Variants in PDE3B observed in about 807,000 individuals in gnomAD.
The protein encoded by PDE3B is cGMP-inhibited 3',5'-cyclic phosphodiesterase 3B.
PDE3B carries 66 observed loss-of-function variants against 116.8 expected under a neutral mutation model. The observed-to-expected ratio is 0.56, with a 90% CI of 0.46 to 0.69. The LOEUF is 0.69. PDE3B is among the 30% of genes least tolerant of loss of function. The pLI, the probability that PDE3B is intolerant of heterozygous loss-of-function variation, is 0.00. For synonymous variants in PDE3B, 595 were observed against 533.6 expected (o/e 1.12, Z -1.59); for missense variants, 1,384 against 1,368.1 (o/e 1.01, Z -0.18).
chr11:14,691,394 CTTA>C (rs1490324006), intron 1 of PDE3B, among the ~76,000 whole-genome samples: 3 of 152,068 alleles, frequency 2.0e-5, no homozygotes, highest in Middle Eastern at 3.4e-3. Flanking sequence ...AATTTTTTGA[CTTA>C]TTAAGTGATT....
chr11:14,756,393 C>A (rs1307291119), intron 1 of PDE3B, among the ~76,000 whole-genome samples: 3 of 152,060 alleles, frequency 2.0e-5, no homozygotes, highest in African/African-American at 7.2e-5. Flanking sequence ...CCTAAAGAGA[C>A]AAGGGGTGGC....
intron 14 of PDE3B, among the ~76,000 whole-genome samples, chr11:14,861,805 C>A (rs889243300): frequency 1.3e-5 from 2 of 152,166 alleles, no homozygotes; most frequent in African/African-American, 4.8e-5. Flanking sequence ...GAAGGCCAGG[C>A]GGGCAACCTA....
intron 4 of PDE3B, among the ~76,000 whole-genome samples, chr11:14,801,024 A>T (rs1239734674): frequency 1.3e-5 from 2 of 151,930 alleles, no homozygotes; most frequent in Non-Finnish European, 2.9e-5. Flanking sequence ...TTTCTTCTCT[A>T]CACTGATTAT....
chr11:14,846,872 C>CT (rs1325487680), intron 12 of PDE3B, among the ~76,000 whole-genome samples: 1 of 152,152 alleles, frequency 6.6e-6, no homozygotes, highest in African/African-American at 2.4e-5. Flanking sequence ...GAGACTTAGA[C>CT]TCCCACACAA....
the PDE3B span, among the ~76,000 whole-genome samples, chr11:14,883,988 C>G: frequency 6.6e-6 from 1 of 152,072 alleles, no homozygotes; most frequent in East Asian, 2.0e-4. Flanking sequence ...GAGATACCAT[C>G]TCACACCAGT....
At chr11:14,742,562 C>T (rs568918131) in intron 1 of PDE3B, among the ~76,000 whole-genome samples, 1 of 152,034 alleles carries the variant, frequency 6.6e-6, no homozygotes, top group African/African-American at 2.4e-5. Context: ...TTTGTTATTA[C>T]CCACCTTCTG....
intron 1 of PDE3B, among the ~76,000 whole-genome samples, chr11:14,661,048 A>T (rs1853887905): frequency 6.6e-6 from 1 of 152,242 alleles, no homozygotes; most frequent in Non-Finnish European, 1.5e-5. Context: ...GTGGAGAAAT[A>T]GGAACACTTT....
intron 1 of PDE3B, among the ~76,000 whole-genome samples, chr11:14,669,181 T>G (rs148581525): frequency 2.0e-5 from 3 of 152,080 alleles, no homozygotes; most frequent in Non-Finnish European, 4.4e-5. Context: ...AGAGATTCAT[T>G]TGAAAGAAGC....
In PDE3B at chr11:14,688,721, A is replaced by T. The variant is rs530207944; in HGVS notation, c.978+43668A>T. On this transcript the variant is annotated intron_variant, in intron 1 of 15. Transcript: ENST00000282096. The stretch of plus-strand genomic sequence containing the variant: ...CACTGAGTGTGATTCCAGATAAGTT[A>T]TTACAGCTAGATCTATGTGGCTCAT... Among the ~76,000 whole-genome samples the T allele has an allele frequency of 2.6e-5, 4 of 152,146 alleles. No individual in the cohort carries two copies. In the East Asian group the frequency reaches 7.7e-4, roughly 29 times the overall value.
At chr11:14,879,158 C>T in the PDE3B span, 1 of 1,613,222 alleles carries the variant, frequency 6.2e-7, no homozygotes. Context: ...AAAATATCCA[C>T]TGCTGTCCAG....
At chr11:14,761,931 G>T (rs1453058956) in intron 1 of PDE3B, among the ~76,000 whole-genome samples, 1 of 151,956 alleles carries the variant, frequency 6.6e-6, no homozygotes, top group Non-Finnish European at 1.5e-5. Flanking sequence ...TTTCTTTTTG[G>T]TTAATTAAAG....
intron 1 of PDE3B, among the ~76,000 whole-genome samples, chr11:14,740,472 T>C (rs1856736119): frequency 6.6e-6 from 1 of 152,160 alleles, no homozygotes; most frequent in Non-Finnish European, 1.5e-5. Flanking sequence ...TTTTATTGAG[T>C]CTATTTGATT....
intron 1 of PDE3B, among the ~76,000 whole-genome samples, chr11:14,704,786 A>G (rs1855480140): frequency 6.6e-6 from 1 of 151,718 alleles, no homozygotes; most frequent in Non-Finnish European, 1.5e-5. Context: ...TTAAAACTAA[A>G]AAAAGCTGTA....
At chr11:14,674,242 T>C in intron 1 of PDE3B, 1 of 1,196,608 alleles carries the variant, frequency 8.4e-7, no homozygotes, top group South Asian at 1.2e-5. Flanking sequence ...CACTTCAACA[T>C]TTTTCTGTTG....
intron 4 of PDE3B, 122 bp from the exon 5 acceptor site, chr11:14,803,822 A>C (rs993529748): frequency 3.2e-6 from 2 of 634,334 alleles, no homozygotes; most frequent in Non-Finnish European, 5.6e-6. Flanking sequence ...GGCCTTAGGC[A>C]CTAGAGGCGC....
chr11:14,887,715 C>T, the PDE3B span: 29 of 800,860 alleles, frequency 3.6e-5, no homozygotes, highest in Non-Finnish European at 4.2e-5. Flanking sequence ...CAGTTAATGA[C>T]CACTCCATAC....
chr11:14,820,626 A>G (rs1268792083), intron 7 of PDE3B, among the ~76,000 whole-genome samples: 3 of 152,194 alleles, frequency 2.0e-5, no homozygotes, highest in Non-Finnish European at 2.9e-5. Context: ...TCGAAATCCT[A>G]TACCCTGATA....
intron 14 of PDE3B, among the ~76,000 whole-genome samples, chr11:14,864,598 T>C (rs554358895): frequency 2.0e-5 from 3 of 152,196 alleles, no homozygotes; most frequent in South Asian, 4.2e-4. Context: ...TCATAAACAG[T>C]CTCTCAGACC....
intron 1 of PDE3B, among the ~76,000 whole-genome samples, chr11:14,707,358 A>G (rs1174477787): frequency 2.0e-5 from 3 of 152,020 alleles, no homozygotes; most frequent in Non-Finnish European, 2.9e-5. Flanking sequence ...GTAATTAGGT[A>G]GAAGACTAAT....
Sources: gnomAD v4.1 joint callset for allele counts (sites outside exome capture counted in the v4.1 genomes callset) on GRCh38, gnomAD v4.1.1 for gene constraint, MANE v1.5 for transcripts, NCBI Gene and HGNC (gene_info 2026-07-23, HGNC 2026-07-21) for gene names.